The following DIP2C variants were observed in gnomAD, a reference collection of about 807,000 sequenced individuals.
DIP2C encodes disco-interacting protein 2 homolog C.
In DIP2C, 33 loss-of-function variants were observed where a neutral mutation model predicts 192.4. That is an observed-to-expected ratio of 0.17 (90% CI 0.13 to 0.23). The LOEUF is 0.23. Among genes scored for constraint, DIP2C ranks in the 10% least tolerant of loss-of-function variants. The pLI is 1.00. For synonymous variants in DIP2C, 979 were observed against 864.1 expected (o/e 1.13, Z -2.33); for missense variants, 1,537 against 2,110.1 (o/e 0.73, Z 5.32).
In DIP2C at chr10:487,567, G is replaced by GTTTTTT. The variant is rs71376836; in HGVS notation, c.86-1043_86-1038dup. ...AACCCGCATCCGCCCATCAATGAGT[G>GTTTTTT]TTTTTTTTTTTTTTTTTTTTTTTTT... On this transcript the variant is annotated intron_variant, in intron 1 of 36. Transcript: ENST00000280886. 4.2e-4 allele frequency among the ~76,000 whole-genome samples: 23 copies of GTTTTTT among 54,202 alleles called. 4 individuals carry two copies. Among genetic ancestry groups the GTTTTTT allele is most frequent in the African/African-American group, 1.6e-3 (20 of 12,578 alleles). The allele number at this position is 54,202 out of a possible 152,430, so 35.6% of individuals were successfully genotyped here. A position where few individuals can be genotyped will look rare whatever the true frequency, so the allele number is the denominator to read the frequency against.
At chr10:360,725 T>C (rs1959373890) in intron 22 of DIP2C, among the ~76,000 whole-genome samples, 1 of 152,166 alleles carries the variant, frequency 6.6e-6, no homozygotes, top group Admixed American at 6.5e-5. Flanking sequence ...AGCTGCTGAG[T>C]TAAAGGTCTC....
intron 1 of DIP2C, among the ~76,000 whole-genome samples, chr10:502,036 C>T (rs528190445): frequency 6.6e-6 from 1 of 152,200 alleles, no homozygotes; most frequent in African/African-American, 2.4e-5. Context: ...GTCTCAGTTA[C>T]TCAGTAGGCT....
chr10:513,763 G>A (rs1209102326), intron 1 of DIP2C, among the ~76,000 whole-genome samples: 1 of 152,024 alleles, frequency 6.6e-6, no homozygotes, highest in African/African-American at 2.4e-5. Context: ...GATTGTAACT[G>A]GTAGAATCAT....
At chr10:447,982 G>T (rs1292335069) in intron 3 of DIP2C, among the ~76,000 whole-genome samples, 3 of 123,220 alleles carry the variant, frequency 2.4e-5, no homozygotes, top group Admixed American at 7.9e-5. Flanking sequence ...TTGATATTCA[G>T]GATCACACAC....
rs772562583 is a variant in DIP2C, at chr10:689,519, G to C, written c.60C>G (p.Ala20=). ...CTTCCGACAGCTCCAGCTCCAGCTCGGCCAGGCGCGCCCGCACCTCCAGGG... is the reference window on the plus strand; with the variant it reads ...CTTCCGACAGCTCCAGCTCCAGCTCCGCCAGGCGCGCCCGCACCTCCAGGG... ...ALPLEVRARL[A]ELELELSEGD... The change falls in exon 1 of 37, where the codon GCC becomes GCG. Residue 20 remains alanine (A), a synonymous_variant. Transcript: ENST00000280886. The surrounding 1 kb of genome is among the most constrained non-coding windows in gnomAD (Gnocchi z 6.1). 7.7e-7 allele frequency: 1 copy of C among 1,292,390 alleles called. No individual in the cohort carries two copies. The highest frequency in any genetic ancestry group is 1.0e-6 in the Non-Finnish European group (1 of 1,001,022). The allele number at this position is 1,292,390 out of a possible 1,614,324, so 80.1% of individuals were successfully genotyped here.
chr10:500,556 T>G (rs181816059), intron 1 of DIP2C, among the ~76,000 whole-genome samples: 3 of 152,358 alleles, frequency 2.0e-5, no homozygotes, highest in East Asian at 3.9e-4. Flanking sequence ...TAATACCTAT[T>G]GTGTGCCATG....
At chr10:570,062 A>C (rs970627664) in intron 1 of DIP2C, among the ~76,000 whole-genome samples, 2 of 152,158 alleles carry the variant, frequency 1.3e-5, no homozygotes, top group African/African-American at 4.8e-5. Flanking sequence ...GAAGTATGCC[A>C]AGAGCCACTC....
chr10:434,903 A>G (rs1468657910), intron 4 of DIP2C, among the ~76,000 whole-genome samples: 1 of 152,156 alleles, frequency 6.6e-6, no homozygotes, highest in East Asian at 1.9e-4. Context: ...GTTTTTAAAA[A>G]ATCTTTGATT....
chr10:382,676 C>A lies in DIP2C; in HGVS notation c.1962G>T (p.Ser654=). 1 of 1,613,802 alleles carries A rather than the reference C, an allele frequency of 6.2e-7. No individual in the cohort carries two copies. The highest frequency in any genetic ancestry group is 8.5e-7 in the Non-Finnish European group (1 of 1,179,900). The change falls in exon 17 of 37, where the codon TCG becomes TCT. Residue 654 remains serine, a synonymous_variant. Coordinates refer to ENST00000280886, the MANE Select transcript of DIP2C (RefSeq NM_014974.3). ...GGATGGCCACAGTGAGGGCCTCTGG[C>A]GAGCTGGCACAAGGACAGATGACCT... The part of the protein sequence containing the change: ...RQEVICPCAS[S]PEALTVAIRR...
At chr10:584,021 T>C (rs1273637295) in intron 1 of DIP2C, among the ~76,000 whole-genome samples, 1 of 152,140 alleles carries the variant, frequency 6.6e-6, no homozygotes, top group Non-Finnish European at 1.5e-5. Flanking sequence ...CTCACTGACC[T>C]CTGTCCCTTG....
At chr10:597,479 T>A (rs930809289) in intron 1 of DIP2C, among the ~76,000 whole-genome samples, 1 of 152,152 alleles carries the variant, frequency 6.6e-6, no homozygotes, top group Non-Finnish European at 1.5e-5. Context: ...GAAAGGTGAA[T>A]GGAGACCTGG....
At chr10:315,942 TCTC>T (rs1476027720) in intron 31 of DIP2C, among the ~76,000 whole-genome samples, 3 of 152,330 alleles carry the variant, frequency 2.0e-5, no homozygotes, top group South Asian at 2.1e-4. Flanking sequence ...CTGTATCTAG[TCTC>T]CTATTAAACC....
intron 31 of DIP2C, among the ~76,000 whole-genome samples, chr10:315,253 T>G (rs1956727362): frequency 6.6e-6 from 1 of 152,222 alleles, no homozygotes; most frequent in Admixed American, 6.5e-5. Context: ...TAAAACAAAC[T>G]AAAAATATTT....
intron 30 of DIP2C, among the ~76,000 whole-genome samples, 187 bp downstream of exon 30, chr10:329,246 C>A (rs1957396053): frequency 6.6e-6 from 1 of 152,158 alleles, no homozygotes; most frequent in Non-Finnish European, 1.5e-5. Context: ...TGTCTGTGGT[C>A]GTGGGGAAAT....
chr10:650,322 C>A (rs1369718229), intron 1 of DIP2C: 1 of 716,586 alleles, frequency 1.4e-6, no homozygotes. Flanking sequence ...GGGCTGTGGA[C>A]CACGCCAGCC....
At chr10:479,454 G>C (rs116350529) in intron 2 of DIP2C, among the ~76,000 whole-genome samples, 1 of 150,362 alleles carries the variant, frequency 6.7e-6, no homozygotes, top group Non-Finnish European at 1.5e-5. Context: ...CTACCTCAGC[G>C]TCCCGAGGAG....
chr10:577,581 G>C (rs760861600), intron 1 of DIP2C, among the ~76,000 whole-genome samples: 1 of 152,184 alleles, frequency 6.6e-6, no homozygotes, highest in Non-Finnish European at 1.5e-5. Context: ...TCAGAGGAAC[G>C]CATGATGGGA....
chr10:619,533 G>GCCCA (rs1172584696), intron 1 of DIP2C, among the ~76,000 whole-genome samples: 1,496 of 38,794 alleles, frequency 0.039, 25 homozygotes, highest in Middle Eastern at 0.12. Flanking sequence ...GACCAAGCCC[G>GCCCA]CCCGCCCGCC....
chr10:504,343 G>A (rs929885195), intron 1 of DIP2C, among the ~76,000 whole-genome samples: 19 of 152,124 alleles, frequency 1.2e-4, no homozygotes, highest in Admixed American at 5.9e-4. Flanking sequence ...CCATGCAGGC[G>A]TGCCGAGGCT....
Sources: allele counts gnomAD v4.1 joint callset (sites outside exome capture counted in the v4.1 genomes callset), GRCh38; gene constraint gnomAD v4.1.1; non-coding constraint Gnocchi (gnomAD v3.1); transcripts MANE v1.5; gene names NCBI Gene and HGNC (gene_info 2026-07-23, HGNC 2026-07-21).